The following TMEM198 variants were observed in gnomAD, a reference collection of about 807,000 sequenced individuals.
TMEM198 encodes the protein transmembrane protein 198.
A neutral mutation model predicts 31.5 loss-of-function variants in TMEM198; 21 were observed. That is an observed-to-expected ratio of 0.67 (90% CI 0.47 to 0.96). The LOEUF (loss-of-function observed/expected upper bound fraction) is 0.96, where lower values mean the gene tolerates loss of function less well. TMEM198 is among the 40% of genes least tolerant of loss of function. The pLI is 0.00. For missense variants in TMEM198, 447 were observed against 499.4 expected (o/e 0.89, Z 1.00); for synonymous variants, 211 against 223.3 (o/e 0.95, Z 0.49).
chr2:219,546,780 T>TTTC (rs1553526574), intron 2 of TMEM198, among the ~76,000 whole-genome samples: 3 of 147,442 alleles, frequency 2.0e-5, no homozygotes, highest in Non-Finnish European at 4.5e-5. Context: ...TCAAGTTTCT[T>TTTC]TTTTTTTTTT....
intron 3 of TMEM198, among the ~76,000 whole-genome samples, chr2:219,548,617 G>A (rs931693552): frequency 6.6e-6 from 1 of 152,196 alleles, no homozygotes; most frequent in African/African-American, 2.4e-5. Flanking sequence ...TTGAGGAAGT[G>A]GGGCAGGAGT....
At position 219,547,783 on chromosome 2, in the gene TMEM198, T is replaced by C. The variant is rs768661639; in HGVS notation, c.444T>C (p.Gly148=). 7 of 1,592,610 alleles carry C rather than the reference T, an allele frequency of 4.4e-6. No individual in the cohort carries two copies. Among genetic ancestry groups the C allele is most frequent in the Non-Finnish European group, 5.1e-6 (6 of 1,175,792 alleles). The part of the protein sequence containing the change: ...APYYQPGSVW[G]PLGLLLGGGL... ...ACTACCAGCCAGGCTCCGTGTGGGG[T>C]CCACTGGGGCTGTTGCTGGGGGGCG... The change falls in exon 3 of 5, where the codon GGT becomes GGC. Residue 148 remains glycine, a synonymous_variant. Transcript: ENST00000373883.
chr2:219,546,778 C>CTTTTTTTTTTTTTTT (rs397987890), intron 2 of TMEM198, among the ~76,000 whole-genome samples: 6 of 127,284 alleles, frequency 4.7e-5, no homozygotes, highest in African/African-American at 1.2e-4. Context: ...TCTCAAGTTT[C>CTTTTTTTTTTTTTTT]TTTTTTTTTT....
In TMEM198 at chr2:219,547,592, G is replaced by A. The variant is rs1695416834; in HGVS notation, c.253G>A (p.Val85Met). Residue 85 changes from valine to methionine, a missense_variant, in exon 3 of 5, where the codon GTG (valine) becomes ATG (methionine). Coordinates refer to ENST00000373883, the MANE Select transcript of TMEM198 (RefSeq NM_001005209.3). ...CTTCCTCCTCTGCTACCGAGAGCGG[G>A]TGCTAGAGACACAGCTGAGTGCTGG... ...VIFLLCYRERVLETQLSAGAS... is the reference protein window; with the variant it reads ...VIFLLCYRERMLETQLSAGAS... 1 of 1,476,428 alleles carries A rather than the reference G, an allele frequency of 6.8e-7. No individual in the cohort carries two copies. Among genetic ancestry groups the A allele is most frequent in the Non-Finnish European group, 9.0e-7 (1 of 1,111,158 alleles). 91.5% of individuals were successfully genotyped at this position (1,476,428 alleles called of 1,614,324 possible). A position where few individuals can be genotyped will look rare whatever the true frequency, so the allele number is the denominator to read the frequency against.
intron 2 of TMEM198, 51 bp from the exon 3 acceptor site, chr2:219,547,455 C>G (rs1695411970): frequency 1.4e-6 from 2 of 1,381,982 alleles, no homozygotes; most frequent in African/African-American, 3.0e-5. Flanking sequence ...CCTGCTCCCT[C>G]CAGCCTGGTG....
chr2:219,548,059 T>C lies in TMEM198; in HGVS notation c.720T>C (p.Ala240=), dbSNP rs768282168. The C allele has an allele frequency of 3.1e-5, 48 of 1,568,158 alleles. 1 individual carries two copies. In the South Asian group the frequency reaches 5.5e-4, roughly 18 times the overall value. Residue 240 remains alanine (A), a synonymous_variant, in exon 3 of 5, where the codon GCT becomes GCC. Transcript: ENST00000373883. ...TTCTGGTGCAGTGGAGGGTGACAGC[T>C]GAGGGGGACTCCCACACGGAAGGTA... is the stretch of plus-strand genomic sequence containing the variant. ...MGVLVQWRVT[A]EGDSHTEVVI... is the part of the protein sequence containing the mutation.
chr2:219,545,709 CAAAG>C (rs1695375356), intron 2 of TMEM198, among the ~76,000 whole-genome samples: 1 of 151,904 alleles, frequency 6.6e-6, no homozygotes, highest in Non-Finnish European at 1.5e-5. Context: ...GCTGGGGGCC[CAAAG>C]AAAGCCTCCA....
At chr2:219,544,451 C>A (rs1574503352) in intron 1 of TMEM198, 74 bp downstream of exon 1, 1 of 570,834 alleles carries the variant, frequency 1.8e-6, no homozygotes, top group Non-Finnish European at 3.3e-6. Flanking sequence ...ACTGGCAGCA[C>A]GCTCCCTTCA....
At chr2:219,546,844 T>C (rs1343812260) in intron 2 of TMEM198, among the ~76,000 whole-genome samples, 1 of 149,082 alleles carries the variant, frequency 6.7e-6, no homozygotes, top group East Asian at 2.0e-4. Flanking sequence ...AATGGTGCGA[T>C]CTTGGTGCAC....
chr2:219,543,906 T>G, upstream of TMEM198: 1 of 340,390 alleles, frequency 2.9e-6, no homozygotes, highest in South Asian at 2.5e-5. Context: ...AAGTGCCCCC[T>G]CCTCAGTGCG....
intron 2 of TMEM198, chr2:219,547,239 C>T (rs533250567): frequency 2.5e-5 from 9 of 358,884 alleles, no homozygotes; most frequent in Non-Finnish European, 3.5e-5. Flanking sequence ...ATCCTAACTC[C>T]TGTGATCCTC....
chr2:219,545,027 T>C (rs1236267776), intron 2 of TMEM198, 134 bp downstream of exon 2: 7 of 1,155,898 alleles, frequency 6.1e-6, no homozygotes, highest in South Asian at 3.2e-5. Flanking sequence ...CACACATTTA[T>C]AGATTGTCTA....
Position 219,549,252 on chromosome 2 carries a change from CCT to C in TMEM198, c.845_846del (p.Leu282GlnfsTer61). ...RRKKRPPRAP[L>X]RGPRAPPRPG... ...GGAAAAAGAGACCTCCTCGGGCTCC[CCT>C]CAGAGGTCCCCGGGCTCCTCCCAGG... On this transcript the variant is annotated frameshift_variant, in exon 4 of 5. Transcript: ENST00000373883. LOFTEE classifies it high-confidence loss of function. 6.2e-7 allele frequency: 1 copy of C among 1,613,972 alleles called. No individual in the cohort carries two copies. Among genetic ancestry groups the C allele is most frequent in the Non-Finnish European group, 8.5e-7 (1 of 1,180,030 alleles).
At chr2:219,544,407 G>T (rs1000457868) in intron 1 of TMEM198, 30 bp downstream of exon 1, 16 of 519,860 alleles carry the variant, frequency 3.1e-5, no homozygotes, top group Non-Finnish European at 5.2e-5. Flanking sequence ...ATATTGAGCC[G>T]CCCACAGATG....
chr2:219,549,748 C>T lies in TMEM198; in HGVS notation c.977C>T (p.Thr326Ile), dbSNP rs1695505284. 3 of 1,613,912 alleles carry T rather than the reference C, an allele frequency of 1.9e-6. No individual in the cohort carries two copies. The highest frequency in any genetic ancestry group is 2.5e-6 in the Non-Finnish European group (3 of 1,180,012). Residue 326 changes from threonine (T) to isoleucine (I), a missense_variant, in exon 5 of 5, where the codon ACC becomes ATC. Coordinates refer to ENST00000373883, the MANE Select transcript of TMEM198 (RefSeq NM_001005209.3). ...SYIQSFRDRQ[T>I]GSSLSSFMAS... ...ATCCAGAGCTTCCGAGACCGGCAGA[C>T]CGGGAGCTCCCTGAGCTCCTTCATG...
intron 2 of TMEM198, 68 bp from the exon 3 acceptor site, chr2:219,547,438 C>T (rs1695411469): frequency 7.7e-7 from 1 of 1,292,688 alleles, no homozygotes; most frequent in African/African-American, 1.5e-5. Flanking sequence ...GTCCTTGACC[C>T]CTTGGACCTG....
In TMEM198 at chr2:219,549,308, G is replaced by C; in HGVS notation, c.899G>C (p.Arg300Pro). 2 of 1,613,828 alleles carry C rather than the reference G, an allele frequency of 1.2e-6. No homozygotes were observed. Among genetic ancestry groups the C allele is most frequent in the Non-Finnish European group, 1.7e-6 (2 of 1,180,014 alleles). ...GGGCCACCAGACCCTGCTTATCGGC[G>C]CAGGCCAGTGCCCATCAAACGCTTC... Reference protein sequence around the residue: ...RPGPPDPAYRRRPVPIKRFNG... With the variant: ...RPGPPDPAYRPRPVPIKRFNG... The change falls in exon 4 of 5, where the codon CGC (arginine) becomes CCC (proline). Residue 300 changes from arginine (R) to proline (P), a missense_variant. Transcript: ENST00000373883.
rs1424850693 is a variant in TMEM198 at position 219,550,273 on chromosome 2, G to C, written c.*419G>C. The C allele has an allele frequency of 2.6e-5, 5 of 189,514 alleles. No homozygotes were observed. Among genetic ancestry groups the C allele is most frequent in the Non-Finnish European group, 5.5e-5 (5 of 91,398 alleles). 11.7% of individuals were successfully genotyped at this position (189,514 alleles called of 1,614,324 possible). On this transcript the variant is annotated 3_prime_UTR_variant, in exon 5 of 5. Transcript: ENST00000373883. ...ACCTCCTGCATGTCTCCGCGGAGGGGCTACCTTCCTTCCCATCGCCCTGCC... is the reference window on the plus strand; with the variant it reads ...ACCTCCTGCATGTCTCCGCGGAGGGCCTACCTTCCTTCCCATCGCCCTGCC...
In TMEM198 at chr2:219,547,793, C is replaced by T. The variant is rs762080421; in HGVS notation, c.454C>T (p.Leu152=). 22 of 1,592,928 alleles carry T rather than the reference C, an allele frequency of 1.4e-5. No homozygotes were observed. The highest frequency in any genetic ancestry group is 1.9e-5 in the Non-Finnish European group (22 of 1,176,096). The change falls in exon 3 of 5, where the codon CTG becomes TTG. Residue 152 remains leucine, a synonymous_variant. Transcript: ENST00000373883. ...QPGSVWGPLG[L]LLGGGLLCAL... is the part of the protein sequence containing the mutation. ...AGGCTCCGTGTGGGGTCCACTGGGG[C>T]TGTTGCTGGGGGGCGGCCTGCTCTG...
Sources: allele counts gnomAD v4.1 joint callset (sites outside exome capture counted in the v4.1 genomes callset), GRCh38; gene constraint gnomAD v4.1.1; transcripts MANE v1.5; gene names NCBI Gene and HGNC (gene_info 2026-07-23, HGNC 2026-07-21).